The following RUNX2 variants were observed in gnomAD, a reference collection of about 807,000 sequenced individuals.
RUNX2 encodes the protein RUNX family transcription factor 2.
Under a neutral mutation model 51.7 loss-of-function variants are expected in RUNX2, and 10 were observed. The observed-to-expected ratio is 0.19, with a 90% CI of 0.12 to 0.33. The LOEUF (loss-of-function observed/expected upper bound fraction) is 0.33. Ranked by LOEUF, RUNX2 falls within the 10% of genes least tolerant of loss-of-function variation. RUNX2 has a pLI of 1.00. For synonymous variants in RUNX2, 276 were observed against 273.6 expected, an observed-to-expected ratio of 1.01 and a Z score of -0.09; for missense variants, 562 against 691.3, an observed-to-expected ratio of 0.81 and a Z score of 2.10.
chr6:45,372,717 G>A (rs1251909713), intron 2 of RUNX2, among the ~76,000 whole-genome samples: 1 of 152,084 alleles, frequency 6.6e-6, no homozygotes, highest in East Asian at 1.9e-4. Context: ...GGAGTACAGT[G>A]GCACAATCTC....
chr6:45,439,659 G>A (rs945647851), intron 5 of RUNX2, among the ~76,000 whole-genome samples: 1 of 151,926 alleles, frequency 6.6e-6, no homozygotes, highest in African/African-American at 2.4e-5. Flanking sequence ...ATTTGCGTGT[G>A]TTTGTGTGCG....
At chr6:45,427,766 T>C (rs908629123) in intron 3 of RUNX2, among the ~76,000 whole-genome samples, 2 of 152,180 alleles carry the variant, frequency 1.3e-5, no homozygotes, top group African/African-American at 4.8e-5. Flanking sequence ...TATAAAAAGA[T>C]GAGAAACTGT....
intron 6 of RUNX2, among the ~76,000 whole-genome samples, chr6:45,504,684 G>A (rs1800905205): frequency 6.6e-6 from 1 of 152,190 alleles, no homozygotes. Context: ...GTGTGAGTAT[G>A]TCTGTATTAT....
At chr6:45,451,078 G>T (rs1190582094) in intron 5 of RUNX2, among the ~76,000 whole-genome samples, 5 of 152,126 alleles carry the variant, frequency 3.3e-5, no homozygotes, top group African/African-American at 1.2e-4. Context: ...AGCCATTTTT[G>T]GTGAACAACT....
Position 45,547,619 on chromosome 6 carries a change from A to G in RUNX2, c.*314A>G, listed in dbSNP as rs1337996856. ...TTTGTTGTTTGGTCTGTTATCATCA[A>G]TAACCTGTTCATATGCCAATTCAGA... On this transcript the variant is annotated 3_prime_UTR_variant, in exon 9 of 9. Coordinates refer to ENST00000647337, the MANE Select transcript of RUNX2 (RefSeq NM_001024630.4). The G allele has an allele frequency of 1.8e-5, 7 of 386,188 alleles. No individual in the cohort carries two copies. The highest frequency in any genetic ancestry group is 3.4e-5 in the Non-Finnish European group (7 of 204,790). 23.9% of individuals were successfully genotyped at this position (386,188 alleles called of 1,614,324 possible).
At chr6:45,364,292 G>T (rs1794765857) in intron 2 of RUNX2, among the ~76,000 whole-genome samples, 1 of 152,104 alleles carries the variant, frequency 6.6e-6, no homozygotes, top group Admixed American at 6.6e-5. Flanking sequence ...AGTTGATCAT[G>T]CAATTATAAG....
chr6:45,337,008 A>G (rs1298099270), intron 2 of RUNX2, among the ~76,000 whole-genome samples: 1 of 151,700 alleles, frequency 6.6e-6, no homozygotes, highest in Middle Eastern at 3.2e-3. Flanking sequence ...CATACTTAAA[A>G]CTTATGACAT....
In RUNX2 at chr6:45,346,567, CTTTTT is replaced by C. The variant is rs71745024; in HGVS notation, c.58+17794_58+17798del. On this transcript the variant is annotated intron_variant, in intron 2 of 8. Transcript: ENST00000647337. ...TATAATAGGAATTCAATAAACATTT[CTTTTT>C]TTTTTTTTTTCTTGAGATAGGGTCT... Among the ~76,000 whole-genome samples the C allele has an allele frequency of 3.6e-5, 5 of 140,444 alleles. No homozygotes were observed. The East Asian group carries it at 8.3e-4, about 23-fold the overall frequency. The allele number at this position is 140,444 out of a possible 152,430, so 92.1% of individuals were successfully genotyped here.
chr6:45,334,057 A>T (rs1472395883), intron 2 of RUNX2, among the ~76,000 whole-genome samples: 1 of 151,260 alleles, frequency 6.6e-6, no homozygotes, highest in Admixed American at 6.6e-5. Context: ...TATATCTAAG[A>T]TTATTTTGGC....
rs138464697 is a variant in RUNX2, at chr6:45,516,760, C to G, written c.1021+4353C>G. Reference sequence around the variant, plus strand: ...CATGGCAGTTTTGATCTTCAAAGCACTTGTGAGGCTTGACACAAAGATTAT... The same window carrying G: ...CATGGCAGTTTTGATCTTCAAAGCAGTTGTGAGGCTTGACACAAAGATTAT... On this transcript the variant is annotated intron_variant, in intron 7 of 8. Transcript: ENST00000647337. 9.2e-3 allele frequency among the ~76,000 whole-genome samples: 1,395 copies of G among 152,274 alleles called. 14 individuals are homozygous for G. Among genetic ancestry groups the G allele is most frequent in the Non-Finnish European group, 0.013 (915 of 68,016 alleles).
At chr6:45,477,679 A>G (rs1186773288) in intron 5 of RUNX2, among the ~76,000 whole-genome samples, 1 of 152,214 alleles carries the variant, frequency 6.6e-6, no homozygotes, top group Non-Finnish European at 1.5e-5. Flanking sequence ...GTGCTGATTT[A>G]GCTTAGTATA....
intron 6 of RUNX2, among the ~76,000 whole-genome samples, chr6:45,500,963 G>A (rs1451556076): frequency 3.9e-5 from 6 of 152,236 alleles, no homozygotes; most frequent in African/African-American, 1.4e-4. Context: ...GGGAAAATGA[G>A]CAGCAGCTGA....
intron 5 of RUNX2, among the ~76,000 whole-genome samples, chr6:45,490,102 G>A (rs1041853572): frequency 7.9e-5 from 12 of 152,106 alleles, no homozygotes; most frequent in African/African-American, 2.9e-4. Flanking sequence ...TCAGCTAGTC[G>A]GCAGCCGAGG....
Position 45,492,077 on chromosome 6 carries a change from A to C in RUNX2, c.822A>C (p.Pro274=). The change falls in exon 6 of 9, where the codon CCA becomes CCC. Residue 274 remains proline (P), a synonymous_variant. Transcript: ENST00000647337. The part of the protein sequence containing the change: ...QNPRPSLNSA[P]SPFNPQGQSQ... ...CACGGCCCTCCCTGAACTCTGCACCAAGTCCTTTTAATCCACAAGGACAGA... is the reference window on the plus strand; with the variant it reads ...CACGGCCCTCCCTGAACTCTGCACCCAGTCCTTTTAATCCACAAGGACAGA... 1.2e-6 allele frequency: 2 copies of C among 1,613,796 alleles called. No individual in the cohort carries two copies. The highest frequency in any genetic ancestry group is 1.7e-6 in the Non-Finnish European group (2 of 1,179,858).
At chr6:45,367,546 G>A (rs780763131) in intron 2 of RUNX2, among the ~76,000 whole-genome samples, 7 of 151,930 alleles carry the variant, frequency 4.6e-5, no homozygotes, top group East Asian at 1.9e-4. Flanking sequence ...GACAAAATGC[G>A]AAAAAAAGGA....
intron 5 of RUNX2, among the ~76,000 whole-genome samples, chr6:45,447,002 G>A (rs1799018733): frequency 6.6e-6 from 1 of 152,162 alleles, no homozygotes; most frequent in South Asian, 2.1e-4. Context: ...TCTATTTGTT[G>A]GAAGACCAAA....
intron 4 of RUNX2, 23 bp downstream of exon 4, chr6:45,432,042 T>A: frequency 1.2e-6 from 2 of 1,611,438 alleles, no homozygotes; most frequent in Non-Finnish European, 1.7e-6. Context: ...CTTTTGATAC[T>A]GATAATAGAA....
At chr6:45,517,611 T>C (rs1367781284) in intron 7 of RUNX2, among the ~76,000 whole-genome samples, 3 of 152,132 alleles carry the variant, frequency 2.0e-5, no homozygotes, top group Non-Finnish European at 2.9e-5. Flanking sequence ...GTCTTGAATC[T>C]CTTATTTCAA....
chr6:45,441,021 T>G (rs1354087012), intron 5 of RUNX2, among the ~76,000 whole-genome samples: 1 of 152,216 alleles, frequency 6.6e-6, no homozygotes, highest in Non-Finnish European at 1.5e-5. Flanking sequence ...TTATTGATCC[T>G]TAACAGAGAA....
Sources: gnomAD v4.1 joint callset for allele counts (sites outside exome capture counted in the v4.1 genomes callset) on GRCh38, gnomAD v4.1.1 for gene constraint, MANE v1.5 for transcripts, NCBI Gene and HGNC (gene_info 2026-07-23, HGNC 2026-07-21) for gene names.